GLIS1: variants seen among roughly 807,000 people sequenced by gnomAD.
The protein encoded by GLIS1 is GLIS family zinc finger 1.
Under a neutral mutation model 63.8 loss-of-function variants are expected in GLIS1, and 24 were observed. The observed-to-expected ratio is 0.38, with a 90% confidence interval of 0.27 to 0.53. The LOEUF is 0.53. GLIS1 is among the 20% of genes least tolerant of loss of function. GLIS1 has a pLI of 0.85. For missense variants in GLIS1, 1,036 were observed against 1,074.1 expected (o/e 0.96, Z 0.50); for synonymous variants, 450 against 482.5 (o/e 0.93, Z 0.88).
At chr1:53,659,375 C>T (rs969665896) in intron 2 of GLIS1, among the ~76,000 whole-genome samples, 5 of 152,128 alleles carry the variant, frequency 3.3e-5, no homozygotes, top group Non-Finnish European at 7.3e-5. Context: ...TAGTGAGATG[C>T]CCATCACTAG....
At position 53,633,821 on chromosome 1, in the gene GLIS1, G is replaced by A. The variant is rs1422262864; in HGVS notation, c.260-33543C>T. ...TGTCTCGGCGTGGGGGGGATAGGGG[G>A]AGAAATTGCCCCAGCTGAGAACCAC... On this transcript the variant is annotated intron_variant, in intron 2 of 10. Coordinates refer to ENST00000628545, the MANE Select transcript of GLIS1 (RefSeq NM_001367484.1). Among the ~76,000 whole-genome samples, 6 of 152,246 alleles carry A rather than the reference G, an allele frequency of 3.9e-5. No individual in the cohort carries two copies. In the East Asian group the frequency reaches 7.7e-4, roughly 20 times the overall value.
intron 4 of GLIS1, among the ~76,000 whole-genome samples, chr1:53,590,772 G>A (rs1342360291): frequency 6.7e-6 from 1 of 149,182 alleles, no homozygotes; most frequent in African/African-American, 2.5e-5. Flanking sequence ...GGACAGCATG[G>A]ATGGGCCGTG....
intron 2 of GLIS1, among the ~76,000 whole-genome samples, chr1:53,603,593 C>T (rs2100555843): frequency 6.6e-6 from 1 of 152,304 alleles, no homozygotes; most frequent in South Asian, 2.1e-4. Context: ...CCAGTGACTT[C>T]ACAAGACCCA....
chr1:53,698,726 A>G (rs113221928), intron 2 of GLIS1, among the ~76,000 whole-genome samples: 2,379 of 152,288 alleles, frequency 0.016, 60 homozygotes, highest in African/African-American at 0.051. Context: ...TGCCCTCCAG[A>G]CCTGCAGCCA....
chr1:53,551,544 C>T (rs964635343), intron 4 of GLIS1, among the ~76,000 whole-genome samples: 28 of 152,324 alleles, frequency 1.8e-4, no homozygotes, highest in Middle Eastern at 3.4e-3. Context: ...TCTGGGAAAA[C>T]GTCAGGTCGG....
At chr1:53,602,076 TC>T (rs1645324023) in intron 2 of GLIS1, among the ~76,000 whole-genome samples, 1 of 152,056 alleles carries the variant, frequency 6.6e-6, no homozygotes, top group African/African-American at 2.4e-5. Flanking sequence ...CACGCTACCT[TC>T]CCAGCCCCAG....
chr1:53,599,355 A>AAG (rs1032232671), intron 3 of GLIS1, among the ~76,000 whole-genome samples: 2 of 152,180 alleles, frequency 1.3e-5, no homozygotes, highest in African/African-American at 4.8e-5. Flanking sequence ...GTGCCTTTAT[A>AAG]AGACGAAAGA....
intron 10 of GLIS1, among the ~76,000 whole-genome samples, chr1:53,508,136 A>T (rs1644255658): frequency 1.5e-5 from 2 of 133,484 alleles, no homozygotes; most frequent in African/African-American, 6.2e-5. Context: ...GGGTTCACGG[A>T]CATCCACATA....
In GLIS1 at chr1:53,540,831, G is replaced by A. The variant is rs113275166; in HGVS notation, c.1321-10879C>T. Among the ~76,000 whole-genome samples the A allele has an allele frequency of 1.2e-4, 19 of 152,302 alleles. 1 individual carries two copies. Among genetic ancestry groups the A allele is most frequent in the African/African-American group, 3.8e-4 (16 of 41,572 alleles). On this transcript the variant is annotated intron_variant, in intron 4 of 10. Transcript: ENST00000628545. ...ACATCTGGGGCTGCCTGGGGAGGGC[G>A]GAGGCCAGAGATTCTCCACCCACTG...
intron 4 of GLIS1, among the ~76,000 whole-genome samples, chr1:53,579,555 A>G (rs1645065350): frequency 6.6e-6 from 1 of 152,238 alleles, no homozygotes; most frequent in Admixed American, 6.5e-5. Context: ...GGTGCTTCGA[A>G]GCCATGAGCT....
At chr1:53,731,803 G>C (rs1481764484) in intron 2 of GLIS1, among the ~76,000 whole-genome samples, 1 of 152,190 alleles carries the variant, frequency 6.6e-6, no homozygotes, top group Non-Finnish European at 1.5e-5. Context: ...ATCTTTAGCA[G>C]TCAAGAGTTC....
At position 53,574,967 on chromosome 1, in the gene GLIS1, T is replaced by C. The variant is rs542738115; in HGVS notation, c.1320+19141A>G. Among the ~76,000 whole-genome samples, 32 of 152,112 alleles carry C rather than the reference T, an allele frequency of 2.1e-4. No homozygotes were observed. In the Middle Eastern group the frequency reaches 0.027, roughly 129 times the overall value. ...GGGCAGCCCCGGTCTGAACCTCACATCTCATCTGGGCCCTCACTGGACACC... is the reference window on the plus strand; with the variant it reads ...GGGCAGCCCCGGTCTGAACCTCACACCTCATCTGGGCCCTCACTGGACACC... On this transcript the variant is annotated intron_variant, in intron 4 of 10. Coordinates refer to ENST00000628545, the MANE Select transcript of GLIS1 (RefSeq NM_001367484.1). The surrounding 1 kb of genome is among the most constrained non-coding windows in gnomAD (Gnocchi z 4.2).
chr1:53,708,561 G>A (rs1388210481), intron 2 of GLIS1, among the ~76,000 whole-genome samples: 1 of 152,150 alleles, frequency 6.6e-6, no homozygotes, highest in South Asian at 2.1e-4. Flanking sequence ...GACTGGGGCT[G>A]AGTGTGCACG....
chr1:53,577,130 TC>T (rs1188358676), intron 4 of GLIS1, among the ~76,000 whole-genome samples: 7 of 107,802 alleles, frequency 6.5e-5, no homozygotes, highest in African/African-American at 1.2e-4. Flanking sequence ...TCCTCCAGCC[TC>T]CCCCCCCTCC....
chr1:53,696,134 C>T (rs554571845), intron 2 of GLIS1, among the ~76,000 whole-genome samples: 70 of 152,366 alleles, frequency 4.6e-4, no homozygotes, highest in African/African-American at 1.6e-3. Flanking sequence ...AGGGAGCTGG[C>T]GAGCTCCAAG....
intron 2 of GLIS1, among the ~76,000 whole-genome samples, chr1:53,735,515 C>T (rs1456579329): frequency 2.6e-5 from 4 of 152,196 alleles, no homozygotes; most frequent in Non-Finnish European, 4.4e-5. Context: ...CTTGCACATT[C>T]TTTATCACTA....
chr1:53,638,369 A>C (rs1334077733), intron 2 of GLIS1, among the ~76,000 whole-genome samples: 1 of 149,834 alleles, frequency 6.7e-6, no homozygotes, highest in East Asian at 2.0e-4. Flanking sequence ...AAGCTGAGCA[A>C]AACAGACACT....
rs142376479 is a variant in GLIS1, at chr1:53,642,496, G to A, written c.260-42218C>T. 4.6e-3 allele frequency among the ~76,000 whole-genome samples: 699 copies of A among 152,314 alleles called. 7 individuals carry two copies. Among genetic ancestry groups the A allele is most frequent in the African/African-American group, 0.015 (632 of 41,572 alleles). ...TCATAGTATCCACACCGCCATGCCA[G>A]TCAGTATTCTCAAGACTTTACAGAA... On this transcript the variant is annotated intron_variant, in intron 2 of 10. Transcript: ENST00000628545.
intron 1 of GLIS1, among the ~76,000 whole-genome samples, chr1:53,738,642 A>G (rs1646936773): frequency 6.6e-6 from 1 of 152,044 alleles, no homozygotes; most frequent in African/African-American, 2.4e-5. Flanking sequence ...ACCCGCGACC[A>G]CCCGAACCTG....
Sources: allele counts gnomAD v4.1 joint callset (sites outside exome capture counted in the v4.1 genomes callset), GRCh38; gene constraint gnomAD v4.1.1; non-coding constraint Gnocchi (gnomAD v3.1); transcripts MANE v1.5; gene names NCBI Gene and HGNC (gene_info 2026-07-23, HGNC 2026-07-21).